NLRP3: variants seen among roughly 807,000 people sequenced by gnomAD.
NLRP3 encodes NLR family pyrin domain containing 3.
NLRP3 carries 48 observed loss-of-function variants against 91.3 expected under a neutral mutation model. The ratio of observed to expected loss-of-function variants is 0.53; its 90% CI spans 0.42 to 0.67. The LOEUF (loss-of-function observed/expected upper bound fraction) is 0.67, where lower values mean the gene tolerates loss of function less well. NLRP3 is among the 30% of genes least tolerant of loss of function. The pLI, the probability that NLRP3 is intolerant of heterozygous loss-of-function variation, is 0.00. For synonymous variants in NLRP3, 561 were observed against 507.9 expected (o/e 1.10, Z -1.41); for missense variants, 982 against 1,276.9 (o/e 0.77, Z 3.52).
intron 7 of NLRP3, among the ~76,000 whole-genome samples, chr1:247,438,363 G>T (rs539687604): frequency 6.8e-6 from 1 of 146,324 alleles, no homozygotes; most frequent in Non-Finnish European, 1.5e-5. Context: ...GGGATTTCAC[G>T]ACTGGTTTAG....
chr1:247,435,433 C>T (rs561206231), intron 6 of NLRP3, among the ~76,000 whole-genome samples: 41 of 152,254 alleles, frequency 2.7e-4, no homozygotes, highest in African/African-American at 7.2e-4. Flanking sequence ...GGATGAGCCT[C>T]GGGGACATTA....
intron 9 of NLRP3, among the ~76,000 whole-genome samples, chr1:247,445,446 T>C (rs1022103635): frequency 1.3e-5 from 2 of 152,200 alleles, no homozygotes; most frequent in African/African-American, 4.8e-5. Flanking sequence ...GTGATCTGCC[T>C]GCCTCGGCCT....
Position 247,437,555 on chromosome 1 carries a change from C to T in NLRP3, c.2663+1415C>T, listed in dbSNP as rs188781760. ...AAATCGCCTTAGAATATTACTCTTC[C>T]TTGGCAATTTGACTTCTGCTTCTCT... On this transcript the variant is annotated intron_variant, in intron 7 of 9. Coordinates refer to ENST00000336119, the MANE Select transcript of NLRP3 (RefSeq NM_001243133.2). Among the ~76,000 whole-genome samples, 190 of 152,258 alleles carry T rather than the reference C, an allele frequency of 1.2e-3. 1 individual carries two copies. Among genetic ancestry groups the T allele is most frequent in the African/African-American group, 4.4e-3 (182 of 41,560 alleles).
rs1323058187 is a variant in NLRP3 at position 247,448,510 on chromosome 1, G to C, written c.*6G>C. The C allele has an allele frequency of 1.9e-6, 3 of 1,581,850 alleles. No homozygotes were observed. The highest frequency in any genetic ancestry group is 2.7e-5 in the African/African-American group (2 of 74,272). On this transcript the variant is annotated 3_prime_UTR_variant, in exon 10 of 10. Coordinates refer to ENST00000336119, the MANE Select transcript of NLRP3 (RefSeq NM_001243133.2). ...TCTTTGAGCCTTCTTGGTAGGAGTGGAAACGGGGCTGCCAGACGCCAGTGT... is the reference window on the plus strand; with the variant it reads ...TCTTTGAGCCTTCTTGGTAGGAGTGCAAACGGGGCTGCCAGACGCCAGTGT...
At chr1:247,417,520 T>C (rs1430969295) in intron 1 of NLRP3, among the ~76,000 whole-genome samples, 1 of 152,188 alleles carries the variant, frequency 6.6e-6, no homozygotes, top group Non-Finnish European at 1.5e-5. Context: ...TTGCTCTTAT[T>C]GCCCAGGCTG....
chr1:247,425,971 T>C lies in NLRP3; in HGVS notation c.2150+372T>C, dbSNP rs1437315481. On this transcript the variant is annotated intron_variant, in intron 4 of 9. Coordinates refer to ENST00000336119, the MANE Select transcript of NLRP3 (RefSeq NM_001243133.2). The surrounding 1 kb of genome is among the most constrained non-coding windows in gnomAD (Gnocchi z 4.1). ...TGGGGCAGAACAATGCCAGAGAGTC[T>C]GTGTCCCAGGAGCGAGGGGACAGAG... 6.6e-6 allele frequency among the ~76,000 whole-genome samples: 1 copy of C among 152,166 alleles called. No homozygotes were observed. The highest frequency in any genetic ancestry group is 6.5e-5 in the Admixed American group (1 of 15,274).
Position 247,418,805 on chromosome 1 carries a change from C to T in NLRP3, c.5C>T (p.Ala2Val), listed in dbSNP as rs757020562. Residue 2 changes from alanine to valine, a missense_variant, in exon 2 of 10, where the codon GCA becomes GTA. Physicochemically the swap from Ala to Val is moderately conservative, Grantham distance 64 (BLOSUM62 0). Transcript: ENST00000336119. The part of the protein sequence containing the change: M[A>V]STRCKLARYL... ...TGAAAACAGCTGCAGATGAAGATGG[C>T]AAGCACCCGCTGCAAGCTGGCCAGG... 6.2e-7 allele frequency: 1 copy of T among 1,613,772 alleles called. No homozygotes were observed. The highest frequency in any genetic ancestry group is 1.7e-5 in the Admixed American group (1 of 60,018).
At position 247,418,679 on chromosome 1, in the gene NLRP3, T is replaced by C. The variant is rs202234129; in HGVS notation, c.-122T>C. On this transcript the variant is annotated 5_prime_UTR_variant, in exon 2 of 10. Transcript: ENST00000336119. ...TTTTTTCTTTCTGTTTGCTGAGTTT[T>C]TGATAATTTATATCTCTCAAAGTGG... 525 of 1,233,310 alleles carry C rather than the reference T, an allele frequency of 4.3e-4. 4 individuals are homozygous for C. Among genetic ancestry groups the C allele is most frequent in the South Asian group, 3.0e-3 (229 of 76,256 alleles). 76.4% of individuals were successfully genotyped at this position (1,233,310 alleles called of 1,614,324 possible).
intron 9 of NLRP3, 29 bp from the exon 10 acceptor site, chr1:247,448,376 C>A: frequency 7.9e-7 from 1 of 1,259,552 alleles, no homozygotes; most frequent in Non-Finnish European, 1.2e-6. Context: ...CTGAAGAGTG[C>A]AACCCAGGCT....
chr1:247,446,474 C>G (rs1358834615), intron 9 of NLRP3, among the ~76,000 whole-genome samples: 1 of 152,226 alleles, frequency 6.6e-6, no homozygotes, highest in African/African-American at 2.4e-5. Context: ...TCTCCCAACC[C>G]TTGCTTATTC....
intron 2 of NLRP3, among the ~76,000 whole-genome samples, chr1:247,422,410 G>A (rs953601817): frequency 6.6e-6 from 1 of 150,878 alleles, no homozygotes; most frequent in African/African-American, 2.4e-5. Flanking sequence ...TATGTTACTT[G>A]TAGATTCCTG....
intron 8 of NLRP3, 97 bp from the exon 9 acceptor site, chr1:247,444,554 T>C: frequency 3.0e-6 from 4 of 1,343,362 alleles, no homozygotes; most frequent in Non-Finnish European, 4.2e-6. Flanking sequence ...GCTTTTTTTT[T>C]TTCCACCTGA....
At position 247,424,679 on chromosome 1, in the gene NLRP3, C is replaced by A. The variant is rs759336272; in HGVS notation, c.1230C>A (p.Pro410=). The A allele has an allele frequency of 1.2e-6, 2 of 1,614,242 alleles. No individual in the cohort carries two copies. The highest frequency in any genetic ancestry group is 2.2e-5 in the South Asian group (2 of 91,090). Residue 410 remains proline (P), a synonymous_variant, in exon 4 of 10, where the codon CCC becomes CCA. Transcript: ENST00000336119. The surrounding 1 kb of genome is among the most constrained non-coding windows in gnomAD (Gnocchi z 8.1). ...TCCTCTTCACCATGTGCTTCATCCC[C>A]CTGGTCTGCTGGATCGTGTGCACTG... ...NEVLFTMCFI[P]LVCWIVCTGL...
chr1:247,431,160 G>C (rs1228199968), intron 5 of NLRP3, among the ~76,000 whole-genome samples: 1 of 151,684 alleles, frequency 6.6e-6, no homozygotes, highest in Non-Finnish European at 1.5e-5. Flanking sequence ...CTCCAGCCTG[G>C]GTGACAGAGC....
chr1:247,423,762 C>T lies in NLRP3; in HGVS notation c.398-85C>T, dbSNP rs199475732. 609 of 1,219,098 alleles carry T rather than the reference C, an allele frequency of 5.0e-4. No homozygotes were observed. Among genetic ancestry groups the T allele is most frequent in the Non-Finnish European group, 6.4e-4 (540 of 839,984 alleles). The allele number at this position is 1,219,098 out of a possible 1,614,324, so 75.5% of individuals were successfully genotyped here. On this transcript the variant is annotated intron_variant, in intron 3 of 9. Transcript: ENST00000336119. ...CCATTTCTCCATTCCGGTTACCACT[C>T]GCTTCCGATGACAGGCCCCAGCTGA...
Position 247,444,834 on chromosome 1 carries a change from T to C in NLRP3, c.3005+13T>C. 6.2e-7 allele frequency: 1 copy of C among 1,613,296 alleles called. No homozygotes were observed. Among genetic ancestry groups the C allele is most frequent in the African/African-American group, 1.3e-5 (1 of 75,044 alleles). Reference sequence around the variant, plus strand: ...TGCAGAACCTGGGGTGAGTGTGCTCTGCAGAGATGCCCGTGGTGGGACTCT... The same window carrying C: ...TGCAGAACCTGGGGTGAGTGTGCTCCGCAGAGATGCCCGTGGTGGGACTCT... On this transcript the variant is annotated intron_variant, in intron 9 of 9. Coordinates refer to ENST00000336119, the MANE Select transcript of NLRP3 (RefSeq NM_001243133.2).
intron 5 of NLRP3, among the ~76,000 whole-genome samples, chr1:247,430,776 T>TC (rs1014662099): frequency 7.1e-6 from 1 of 141,486 alleles, no homozygotes; most frequent in Non-Finnish European, 1.6e-5. Context: ...GAAAATACTT[T>TC]TTTTTTTTTT....
chr1:247,434,170 AAGC>A lies in NLRP3; in HGVS notation c.2390_2392del (p.Lys797_Leu798delinsMet), dbSNP rs1456152313. 6.2e-7 allele frequency: 1 copy of A among 1,614,108 alleles called. No individual in the cohort carries two copies. The highest frequency in any genetic ancestry group is 8.5e-7 in the Non-Finnish European group (1 of 1,180,050). On this transcript the variant is annotated inframe_deletion, in exon 6 of 10. Coordinates refer to ENST00000336119, the MANE Select transcript of NLRP3 (RefSeq NM_001243133.2). ...CTCCTTGGTCCTCAGCAGCAACCAG[AAGC>A]TGGTGGAGCTGGACCTGAGTGACAA...
chr1:247,434,729 G>A (rs1663661590), intron 6 of NLRP3, among the ~76,000 whole-genome samples: 1 of 152,150 alleles, frequency 6.6e-6, no homozygotes, highest in African/African-American at 2.4e-5. Context: ...AAAAATGGAA[G>A]GGCCATTTCT....
Sources: allele counts gnomAD v4.1 joint callset (sites outside exome capture counted in the v4.1 genomes callset), GRCh38; gene constraint gnomAD v4.1.1; non-coding constraint Gnocchi (gnomAD v3.1); transcripts MANE v1.5; gene names NCBI Gene and HGNC (gene_info 2026-07-23, HGNC 2026-07-21).